The following WDR37 variants were observed in gnomAD, a reference collection of about 807,000 sequenced individuals.
WDR37 encodes the protein WD repeat-containing protein 37.
Under a neutral mutation model 62.9 loss-of-function variants are expected in WDR37, and 19 were observed. The ratio of observed to expected loss-of-function variants is 0.30; its 90% CI spans 0.21 to 0.44. WDR37 has a LOEUF of 0.44. Among genes scored for constraint, WDR37 ranks in the 20% least tolerant of loss-of-function variants. The pLI, the probability that WDR37 is intolerant of heterozygous loss-of-function variation, is 1.00. For synonymous variants in WDR37, 250 were observed against 260.9 expected (o/e 0.96, Z 0.40); for missense variants, 474 against 657.6 (o/e 0.72, Z 3.05).
At chr10:1,118,816 C>T (rs556096616) in intron 11 of WDR37, among the ~76,000 whole-genome samples, 1 of 152,338 alleles carries the variant, frequency 6.6e-6, no homozygotes, top group South Asian at 2.1e-4. Flanking sequence ...TCTCCCTGCC[C>T]TGATGGCCCC....
rs567156656 is a variant in WDR37 at position 1,121,500 on chromosome 10, G to A, written c.1104-2718G>A. On this transcript the variant is annotated intron_variant, in intron 11 of 13. Transcript: ENST00000263150. This position sits in a 1 kb window ranked among gnomAD's most constrained non-coding sequence, Gnocchi z 4.5. ...GATGAAGACTCTGGAGGAGTTACTGGGTTGATTTTGCAGTCTCTCTCCTCT... is the reference window on the plus strand; with the variant it reads ...GATGAAGACTCTGGAGGAGTTACTGAGTTGATTTTGCAGTCTCTCTCCTCT... 1.3e-4 allele frequency among the ~76,000 whole-genome samples: 20 copies of A among 152,272 alleles called. No individual in the cohort carries two copies. The highest frequency in any genetic ancestry group is 2.6e-4 in the Admixed American group (4 of 15,298).
At chr10:1,088,160 A>G (rs1374747161) in intron 7 of WDR37, among the ~76,000 whole-genome samples, 1 of 152,170 alleles carries the variant, frequency 6.6e-6, no homozygotes, top group Non-Finnish European at 1.5e-5. Context: ...AGCTAAAGGG[A>G]ATGTTGTGGC....
At chr10:1,091,183 G>A (rs890034057) in intron 7 of WDR37, among the ~76,000 whole-genome samples, 2 of 152,168 alleles carry the variant, frequency 1.3e-5, no homozygotes, top group African/African-American at 4.8e-5. Flanking sequence ...GTGGTGTGGT[G>A]CCTTCCACCC....
intron 8 of WDR37, among the ~76,000 whole-genome samples, chr10:1,095,319 A>T: frequency 6.9e-6 from 1 of 145,374 alleles, no homozygotes; most frequent in African/African-American, 2.6e-5. Context: ...TAGACTGGGA[A>T]TGTGAGGTAA....
rs1458728393 is a variant in WDR37, at chr10:1,132,281, A to G, written c.*2937A>G. The stretch of plus-strand genomic sequence containing the variant: ...ACGATGAGCTAGAAATTGAACAAAT[A>G]TAATACTGGTCACTCGAAAAATTTT... On this transcript the variant is annotated 3_prime_UTR_variant, in exon 14 of 14. Transcript: ENST00000263150. 1 of 152,238 alleles carries G rather than the reference A, an allele frequency of 6.6e-6. No homozygotes were observed. Among genetic ancestry groups the G allele is most frequent in the Non-Finnish European group, 1.5e-5 (1 of 68,034 alleles). The allele number at this position is 152,238 out of a possible 1,614,324, so 9.4% of individuals were successfully genotyped here.
rs148131640 is a variant in WDR37 at position 1,086,664 on chromosome 10, A to C, written c.604+307A>C. ...GAAATGTGTGCGTTATTTTTCACAA[A>C]ATACATATCTGTTTTAGAGGTTTAC... On this transcript the variant is annotated intron_variant, in intron 7 of 13. Transcript: ENST00000263150. Among the ~76,000 whole-genome samples, 405 of 152,354 alleles carry C rather than the reference A, an allele frequency of 2.7e-3. 3 individuals are homozygous for C. The highest frequency in any genetic ancestry group is 4.5e-3 in the Non-Finnish European group (303 of 68,038).
intron 8 of WDR37, among the ~76,000 whole-genome samples, chr10:1,094,205 C>T (rs1834492289): frequency 6.6e-6 from 1 of 152,174 alleles, no homozygotes; most frequent in Non-Finnish European, 1.5e-5. Context: ...GCTCTGTCGC[C>T]AGTACTGAGT....
Position 1,126,141 on chromosome 10 carries a change from G to C in WDR37, c.1353+1117G>C, listed in dbSNP as rs141729568. Among the ~76,000 whole-genome samples the C allele has an allele frequency of 4.5e-3, 687 of 152,218 alleles. 8 individuals are homozygous for C. Among genetic ancestry groups the C allele is most frequent in the South Asian group, 0.013 (62 of 4,818 alleles). The stretch of plus-strand genomic sequence containing the variant: ...GGGTCAGTGGCTGGTCGCAGTGGCT[G>C]ACGCCTGTAATCGTAGCACTTTGGG... On this transcript the variant is annotated intron_variant, in intron 13 of 13. Transcript: ENST00000263150.
intron 7 of WDR37, 28 bp downstream of exon 7, chr10:1,086,385 C>T (rs746286306): frequency 2.5e-6 from 4 of 1,593,082 alleles, no homozygotes; most frequent in Non-Finnish European, 3.4e-6. Flanking sequence ...AGTGCCGTAG[C>T]CAGAGGCCGT....
In WDR37 at chr10:1,131,697, T is replaced by TGTGG. The variant is rs1229920016; in HGVS notation, c.*2356_*2357insGGTG. On this transcript the variant is annotated 3_prime_UTR_variant, in exon 14 of 14. Coordinates refer to ENST00000263150, the MANE Select transcript of WDR37 (RefSeq NM_014023.4). ...AGATCGGGGATGGTGTGTGTGTGTG[T>TGTGG]GTGTGTGTGTGTGTGCACGTGTGTG... 1.3e-5 allele frequency: 2 copies of TGTGG among 152,042 alleles called. No homozygotes were observed. The highest frequency in any genetic ancestry group is 1.5e-5 in the Non-Finnish European group (1 of 68,016). 9.4% of individuals were successfully genotyped at this position (152,042 alleles called of 1,614,324 possible).
rs761467341 is a variant in WDR37, at chr10:1,125,034, C to T, written c.1353+10C>T. The T allele has an allele frequency of 3.0e-5, 49 of 1,614,082 alleles. No individual in the cohort carries two copies. The highest frequency in any genetic ancestry group is 4.0e-5 in the African/African-American group (3 of 75,028). ...CCGGAGCAGCCGACAGGTAACAGCA[C>T]GGTCGGTGAACATATGCAGGGCACA... On this transcript the variant is annotated intron_variant, in intron 13 of 13. Coordinates refer to ENST00000263150, the MANE Select transcript of WDR37 (RefSeq NM_014023.4).
At chr10:1,086,908 G>C (rs7069496) in intron 7 of WDR37, among the ~76,000 whole-genome samples, 14,300 of 152,178 alleles carry the variant, frequency 0.094, 1,364 homozygotes, top group African/African-American at 0.25. Flanking sequence ...GTTTCCTCTC[G>C]CACGTGCTGT....
chr10:1,089,668 G>A (rs79421450), intron 7 of WDR37, among the ~76,000 whole-genome samples: 887 of 26,742 alleles, frequency 0.033, 14 homozygotes, highest in African/African-American at 0.061. Flanking sequence ...CCCGCAGTTC[G>A]GCCTTCCCGT....
intron 13 of WDR37, among the ~76,000 whole-genome samples, chr10:1,126,297 T>A (rs980560798): frequency 1.3e-5 from 2 of 150,830 alleles, no homozygotes; most frequent in Non-Finnish European, 2.9e-5. Flanking sequence ...TCCCAGCTAC[T>A]CGGGAGGCTG....
chr10:1,101,809 C>T (rs1022250005), intron 9 of WDR37, among the ~76,000 whole-genome samples: 1 of 152,230 alleles, frequency 6.6e-6, no homozygotes, highest in Non-Finnish European at 1.5e-5. Flanking sequence ...ATCCGACTCA[C>T]GTGCGACCTC....
chr10:1,093,477 A>T lies in WDR37; in HGVS notation c.630A>T (p.Ser210=). 6.2e-7 allele frequency: 1 copy of T among 1,610,284 alleles called. No homozygotes were observed. The highest frequency in any genetic ancestry group is 8.5e-7 in the Non-Finnish European group (1 of 1,178,878). ...TAAATTCTATCAAATTTCATCCCTC[A>T]GAGCAGTTGGCTCTCACTGGTATGT... ...GSVNSIKFHP[S]EQLALTASGD... is the part of the protein sequence containing the mutation. The change falls in exon 8 of 14, where the codon TCA becomes TCT. Residue 210 remains serine (S), a synonymous_variant. Transcript: ENST00000263150.
At chr10:1,092,674 A>G (rs904438903) in intron 7 of WDR37, among the ~76,000 whole-genome samples, 1 of 151,234 alleles carries the variant, frequency 6.6e-6, no homozygotes, top group Admixed American at 6.6e-5. Context: ...TGTCTTTACT[A>G]AAAATGGCAA....
At chr10:1,120,962 G>C (rs904917325) in intron 11 of WDR37, among the ~76,000 whole-genome samples, 1 of 152,214 alleles carries the variant, frequency 6.6e-6, no homozygotes, top group African/African-American at 2.4e-5. Flanking sequence ...CCAGGCAGTG[G>C]TGTGCGGCGA....
chr10:1,103,595 G>A lies in WDR37; in HGVS notation c.727-7G>A, dbSNP rs148877532. The A allele has an allele frequency of 5.7e-5, 92 of 1,612,432 alleles. No individual in the cohort carries two copies. In the African/African-American group the frequency reaches 1.1e-3, roughly 19 times the overall value. On this transcript the variant is annotated splice_region_variant and splice_polypyrimidine_tract_variant and intron_variant, in intron 9 of 13. Coordinates refer to ENST00000263150, the MANE Select transcript of WDR37 (RefSeq NM_014023.4). This position sits in a 1 kb window ranked among gnomAD's most constrained non-coding sequence, Gnocchi z 6.3. The stretch of plus-strand genomic sequence containing the variant: ...TCTTTCTTTTCTGGCCTTCCCTTTG[G>A]CAGCAGATATCTGGGGAAGATGAAG...
Sources: gnomAD v4.1 joint callset for allele counts (sites outside exome capture counted in the v4.1 genomes callset) on GRCh38, gnomAD v4.1.1 for gene constraint, Gnocchi (gnomAD v3.1) non-coding constraint, MANE v1.5 for transcripts, NCBI Gene and HGNC (gene_info 2026-07-23, HGNC 2026-07-21) for gene names.